Variants in NTRK2 observed in about 807,000 individuals in gnomAD.
NTRK2 encodes the protein neurotrophic receptor tyrosine kinase 2, also known as BDNF/NT-3 growth factors receptor.
In NTRK2, 13 loss-of-function variants were observed where a neutral mutation model predicts 94.5. The ratio of observed to expected loss-of-function variants is 0.14; its 90% confidence interval spans 0.09 to 0.22. The LOEUF is 0.22. Among genes scored for constraint, NTRK2 ranks in the 10% least tolerant of loss-of-function variants. The pLI, the probability that NTRK2 is intolerant of heterozygous loss-of-function variation, is 1.00. For synonymous variants in NTRK2, 372 were observed against 407.4 expected, an observed-to-expected ratio of 0.91 and a Z score of 1.05; for missense variants, 639 against 1,071.2, an observed-to-expected ratio of 0.60 and a Z score of 5.63.
At chr9:84,823,868 G>T (rs1179839382) in intron 12 of NTRK2, among the ~76,000 whole-genome samples, 1 of 152,178 alleles carries the variant, frequency 6.6e-6, no homozygotes, top group Non-Finnish European at 1.5e-5. Flanking sequence ...TTCAGACGTG[G>T]TTCCTTTACA....
intron 2 of NTRK2, among the ~76,000 whole-genome samples, chr9:84,674,697 A>C (rs2058922566): frequency 1.3e-5 from 2 of 152,204 alleles, no homozygotes; most frequent in African/African-American, 2.4e-5. Flanking sequence ...ATTTAATACA[A>C]CTTGCAAGCT....
At chr9:84,809,103 A>T (rs2071449386) in intron 12 of NTRK2, among the ~76,000 whole-genome samples, 1 of 152,212 alleles carries the variant, frequency 6.6e-6, no homozygotes, top group South Asian at 2.1e-4. Flanking sequence ...TCCATGGGCA[A>T]GTTCAGTGAA....
At chr9:84,945,755 G>A (rs1368634901) in intron 15 of NTRK2, among the ~76,000 whole-genome samples, 1 of 152,188 alleles carries the variant, frequency 6.6e-6, no homozygotes, top group Non-Finnish European at 1.5e-5. Flanking sequence ...GGAATGTGCG[G>A]TTTCTATGGC....
chr9:84,707,650 G>GA (rs1021731447), intron 4 of NTRK2, among the ~76,000 whole-genome samples, 194 bp from the exon 5 acceptor site: 125 of 152,058 alleles, frequency 8.2e-4, no homozygotes, highest in African/African-American at 2.9e-3. Context: ...TCCCAGCAAA[G>GA]AAAAAATTAT....
At chr9:84,838,465 G>A (rs1341481512) in intron 12 of NTRK2, among the ~76,000 whole-genome samples, 1 of 143,352 alleles carries the variant, frequency 7.0e-6, no homozygotes, top group East Asian at 2.1e-4. Flanking sequence ...AGTGTATATT[G>A]TATATGCATT....
At chr9:84,989,790 T>C (rs999066718) in intron 17 of NTRK2, among the ~76,000 whole-genome samples, 1 of 152,250 alleles carries the variant, frequency 6.6e-6, no homozygotes, top group Non-Finnish European at 1.5e-5. Flanking sequence ...TGTAGTCTTC[T>C]TTAAAAGTAA....
intron 12 of NTRK2, among the ~76,000 whole-genome samples, chr9:84,816,939 G>A (rs1464017584): frequency 1.3e-5 from 2 of 152,174 alleles, no homozygotes; most frequent in Non-Finnish European, 2.9e-5. Flanking sequence ...ATTTGTCACA[G>A]ACTATGCAGG....
chr9:84,948,527 C>A lies in NTRK2; in HGVS notation c.1830C>A (p.Asn610Lys), dbSNP rs2132883264. The A allele has an allele frequency of 6.2e-7, 1 of 1,614,178 alleles. No homozygotes were observed. The highest frequency in any genetic ancestry group is 8.5e-7 in the Non-Finnish European group (1 of 1,180,040). Residue 610 changes from asparagine (N) to lysine (K), a missense_variant, in exon 16 of 19, where the codon AAC becomes AAA. Asn to Lys is a moderately conservative substitution (Grantham distance 94). Coordinates refer to ENST00000277120, the MANE Select transcript of NTRK2 (RefSeq NM_006180.6). ...ACCGTGAGGCCGAGCTCCTGACCAACCTCCAGCATGAGCACATCGTCAAGT... is the reference window on the plus strand; with the variant it reads ...ACCGTGAGGCCGAGCTCCTGACCAAACTCCAGCATGAGCACATCGTCAAGT... ...DFHREAELLT[N>K]LQHEHIVKFY...
chr9:84,939,607 A>C (rs751902482), intron 15 of NTRK2, among the ~76,000 whole-genome samples: 76 of 152,216 alleles, frequency 5.0e-4, no homozygotes, highest in Non-Finnish European at 1.0e-3. Flanking sequence ...AATAAGATAT[A>C]CTGGATTCCT....
intron 17 of NTRK2, among the ~76,000 whole-genome samples, chr9:84,972,036 G>C (rs892577272): frequency 6.6e-6 from 1 of 152,182 alleles, no homozygotes; most frequent in Non-Finnish European, 1.5e-5. Flanking sequence ...TAAGTCATCT[G>C]TATTTCAAGA....
In NTRK2 at chr9:84,679,702, T is replaced by G. The variant is rs566515228; in HGVS notation, c.212+8742T>G. 8.5e-5 allele frequency among the ~76,000 whole-genome samples: 13 copies of G among 152,314 alleles called. No individual in the cohort carries two copies. The South Asian group carries it at 2.5e-3, about 29-fold the overall frequency. On this transcript the variant is annotated intron_variant, in intron 2 of 18. Coordinates refer to ENST00000277120, the MANE Select transcript of NTRK2 (RefSeq NM_006180.6). Reference sequence around the variant, plus strand: ...GTCAGCCATGAGCACTAGTGTTTCCTTTTCTGTTCAAGAATTCACCATTGC... The same window carrying G: ...GTCAGCCATGAGCACTAGTGTTTCCGTTTCTGTTCAAGAATTCACCATTGC...
chr9:84,825,325 T>C (rs2073116023), intron 12 of NTRK2, among the ~76,000 whole-genome samples: 2 of 152,122 alleles, frequency 1.3e-5, no homozygotes, highest in African/African-American at 2.4e-5. Flanking sequence ...GCTTGAGCCT[T>C]AGGCAACTTG....
At chr9:84,848,779 A>G (rs1392241091) in intron 12 of NTRK2, among the ~76,000 whole-genome samples, 2 of 152,188 alleles carry the variant, frequency 1.3e-5, no homozygotes, top group South Asian at 2.1e-4. Flanking sequence ...AATAATAAAG[A>G]TTTGCATAAT....
At chr9:84,951,981 CAT>C (rs1476766496) in intron 16 of NTRK2, among the ~76,000 whole-genome samples, 4 of 152,176 alleles carry the variant, frequency 2.6e-5, no homozygotes, top group Admixed American at 6.5e-5. Context: ...GAATAAAACA[CAT>C]GTCTTTGCTT....
At chr9:84,727,522 A>G in intron 8 of NTRK2, 132 bp from the exon 9 acceptor site, 1 of 856,392 alleles carries the variant, frequency 1.2e-6, no homozygotes, top group Non-Finnish European at 1.9e-6. Flanking sequence ...GATGGATTCC[A>G]GAGTTTCTGA....
intron 12 of NTRK2, among the ~76,000 whole-genome samples, chr9:84,769,652 T>C (rs2066343886): frequency 6.6e-6 from 1 of 152,200 alleles, no homozygotes; most frequent in Non-Finnish European, 1.5e-5. Context: ...TCTTGGTTTT[T>C]AAGGAGTTAG....
At chr9:84,692,397 G>T (rs1295617779) in intron 2 of NTRK2, among the ~76,000 whole-genome samples, 1 of 149,994 alleles carries the variant, frequency 6.7e-6, no homozygotes, top group Non-Finnish European at 1.5e-5. Context: ...TAAAGACATT[G>T]TCAATTTTTA....
chr9:84,752,776 G>A (rs1395851677), intron 12 of NTRK2, among the ~76,000 whole-genome samples: 1 of 152,146 alleles, frequency 6.6e-6, no homozygotes, highest in Non-Finnish European at 1.5e-5. Flanking sequence ...GTGATTTAAT[G>A]ATTTAAAACC....
intron 12 of NTRK2, 103 bp from the exon 13 acceptor site, chr9:84,860,934 TTTG>T: frequency 1.4e-5 from 7 of 515,700 alleles, no homozygotes; most frequent in Non-Finnish European, 1.4e-5. Context: ...TTTATTTATT[TTTG>T]TCGGGGGGAG....
Sources: gnomAD v4.1 joint callset for allele counts (sites outside exome capture counted in the v4.1 genomes callset) on GRCh38, gnomAD v4.1.1 for gene constraint, MANE v1.5 for transcripts, NCBI Gene and HGNC (gene_info 2026-07-23, HGNC 2026-07-21) for gene names.